The following CA8 variants were observed in gnomAD, a reference collection of about 807,000 sequenced individuals.
CA8 encodes the protein carbonic anhydrase-related protein.
CA8 carries 22 observed loss-of-function variants against 41.4 expected under a neutral mutation model. The observed-to-expected ratio is 0.53, with a 90% confidence interval of 0.38 to 0.76. The LOEUF (loss-of-function observed/expected upper bound fraction) is 0.76, where lower values mean the gene tolerates loss of function less well. CA8 is among the 30% of genes least tolerant of loss of function. The pLI, the probability that CA8 is intolerant of heterozygous loss-of-function variation, is 0.00. For missense variants in CA8, 270 were observed against 352.8 expected, an observed-to-expected ratio of 0.77 and a Z score of 1.88; for synonymous variants, 121 against 130.6, an observed-to-expected ratio of 0.93 and a Z score of 0.50.
At chr8:60,261,729 T>C (rs1467094329) in intron 3 of CA8, among the ~76,000 whole-genome samples, 1 of 152,110 alleles carries the variant, frequency 6.6e-6, no homozygotes, top group Non-Finnish European at 1.5e-5. Context: ...CTTGACACAC[T>C]GTTGGTCTCC....
intron 1 of CA8, among the ~76,000 whole-genome samples, 197 bp downstream of exon 1, chr8:60,280,851 G>A (rs1384092674): frequency 1.3e-5 from 2 of 152,248 alleles, no homozygotes; most frequent in African/African-American, 2.4e-5. Flanking sequence ...GAAGAGCGCA[G>A]GCGGCGAGCA....
At chr8:60,262,855 CAAG>C (rs1335932502) in intron 3 of CA8, among the ~76,000 whole-genome samples, 6 of 152,142 alleles carry the variant, frequency 3.9e-5, no homozygotes, top group Admixed American at 6.5e-5. Flanking sequence ...CTACAGGTAT[CAAG>C]AAGGAAAAAC....
chr8:60,213,447 A>G (rs1806910999), intron 7 of CA8, among the ~76,000 whole-genome samples: 1 of 152,238 alleles, frequency 6.6e-6, no homozygotes. Flanking sequence ...AAAAATCTCT[A>G]CAAGCAATTA....
At chr8:60,218,161 T>C (rs767816324) in intron 7 of CA8, among the ~76,000 whole-genome samples, 6 of 152,186 alleles carry the variant, frequency 3.9e-5, no homozygotes, top group Non-Finnish European at 7.3e-5. Flanking sequence ...TGTTGGCAAT[T>C]CCCACGAATA....
chr8:60,252,987 C>A (rs972408634), intron 3 of CA8, among the ~76,000 whole-genome samples: 2 of 151,836 alleles, frequency 1.3e-5, no homozygotes. Flanking sequence ...CCCAGCACTT[C>A]GGGAGGCTGA....
At chr8:60,279,554 A>G in intron 2 of CA8, 135 bp downstream of exon 2, 1 of 752,798 alleles carries the variant, frequency 1.3e-6, no homozygotes, top group Non-Finnish European at 2.2e-6. Context: ...AATGCTTTAT[A>G]TTATAATACA....
intron 8 of CA8, among the ~76,000 whole-genome samples, chr8:60,193,290 C>G (rs1180940363): frequency 6.6e-6 from 1 of 152,134 alleles, no homozygotes; most frequent in Non-Finnish European, 1.5e-5. Context: ...CTTCACCATT[C>G]CTGAAGAAAG....
chr8:60,233,175 C>G (rs1295221547), intron 3 of CA8, among the ~76,000 whole-genome samples: 1 of 152,306 alleles, frequency 6.6e-6, no homozygotes, highest in South Asian at 2.1e-4. Flanking sequence ...AACCTTCTGC[C>G]TAGAATATTA....
chr8:60,279,558 TA>T, intron 2 of CA8, 130 bp downstream of exon 2: 1 of 777,766 alleles, frequency 1.3e-6, no homozygotes, highest in Non-Finnish European at 2.1e-6. Context: ...CTTTATATTA[TA>T]ATACAAAGGT....
intron 3 of CA8, among the ~76,000 whole-genome samples, chr8:60,261,872 C>T (rs1457349195): frequency 1.3e-5 from 2 of 152,106 alleles, no homozygotes; most frequent in African/African-American, 4.8e-5. Context: ...TCACCACACC[C>T]GGCTAATTTT....
chr8:60,208,569 A>C (rs1018665041), intron 8 of CA8, 181 bp downstream of exon 8: 2 of 617,390 alleles, frequency 3.2e-6, no homozygotes, highest in African/African-American at 1.8e-5. Context: ...TCAATACTGC[A>C]TAAAATTAAA....
At chr8:60,243,651 T>G (rs963076343) in intron 3 of CA8, among the ~76,000 whole-genome samples, 8 of 152,116 alleles carry the variant, frequency 5.3e-5, no homozygotes, top group African/African-American at 1.7e-4. Flanking sequence ...CTGAAACTTC[T>G]CACCATGTTC....
At chr8:60,193,901 T>G (rs1806204444) in intron 8 of CA8, among the ~76,000 whole-genome samples, 2 of 152,202 alleles carry the variant, frequency 1.3e-5, no homozygotes, top group Admixed American at 1.3e-4. Flanking sequence ...CTGTGTTCTC[T>G]CTCTAGCTTA....
intron 7 of CA8, among the ~76,000 whole-genome samples, chr8:60,210,002 A>T (rs533523928): frequency 6.6e-6 from 1 of 152,328 alleles, no homozygotes; most frequent in South Asian, 2.1e-4. Context: ...TATCAATTTA[A>T]CTACAGGGTT....
intron 8 of CA8, chr8:60,208,406 T>A (rs1806714372): frequency 1.3e-5 from 4 of 305,972 alleles, no homozygotes; most frequent in Non-Finnish European, 2.5e-5. Context: ...GGGACATGAC[T>A]GGTGCTGCTT....
chr8:60,205,536 G>C (rs1806549642), intron 8 of CA8, among the ~76,000 whole-genome samples: 1 of 152,118 alleles, frequency 6.6e-6, no homozygotes, highest in South Asian at 2.1e-4. Context: ...AAAATTCAAT[G>C]GGTAAAGGAT....
At chr8:60,216,970 G>A (rs1168713928) in intron 7 of CA8, among the ~76,000 whole-genome samples, 2 of 152,040 alleles carry the variant, frequency 1.3e-5, no homozygotes, top group Non-Finnish European at 1.5e-5. Flanking sequence ...TGCAACTTCC[G>A]CCTCCCAGGT....
intron 3 of CA8, among the ~76,000 whole-genome samples, chr8:60,247,419 C>T (rs1002655162): frequency 6.6e-6 from 1 of 152,142 alleles, no homozygotes; most frequent in African/African-American, 2.4e-5. Context: ...GCTCCACCCC[C>T]AACAGGCCAT....
chr8:60,189,117 G>C lies in CA8; in HGVS notation c.*904C>G, dbSNP rs965272092. Reference sequence around the variant, plus strand: ...GGCACCTAAAATAAGGATATTGTTGGTCATCTTTAAAGAAATGTCTTAACA... The same window carrying C: ...GGCACCTAAAATAAGGATATTGTTGCTCATCTTTAAAGAAATGTCTTAACA... On this transcript the variant is annotated 3_prime_UTR_variant, in exon 9 of 9. Coordinates refer to ENST00000317995, the MANE Select transcript of CA8 (RefSeq NM_004056.6). The C allele has an allele frequency of 6.6e-6, 1 of 152,054 alleles. No individual in the cohort carries two copies. The highest frequency in any genetic ancestry group is 2.4e-5 in the African/African-American group (1 of 41,414). The allele number at this position is 152,054 out of a possible 1,614,324, so 9.4% of individuals were successfully genotyped here.
Sources: gnomAD v4.1 joint callset for allele counts (sites outside exome capture counted in the v4.1 genomes callset) on GRCh38, gnomAD v4.1.1 for gene constraint, MANE v1.5 for transcripts, NCBI Gene and HGNC (gene_info 2026-07-23, HGNC 2026-07-21) for gene names.